CSGALNACT1: variants seen among roughly 807,000 people sequenced by gnomAD.
CSGALNACT1 encodes the protein beta4GalNAcT-1.
A neutral mutation model predicts 51.0 loss-of-function variants in CSGALNACT1; 52 were observed. That is an observed-to-expected ratio of 1.02 (90% CI 0.82 to 1.29). The LOEUF is 1.29. CSGALNACT1 is among the 50% of genes most tolerant of loss of function. The pLI is 0.00. For synonymous variants in CSGALNACT1, 341 were observed against 254.4 expected (o/e 1.34, Z -3.24); for missense variants, 935 against 679.2 (o/e 1.38, Z -4.19).
chr8:19,554,327 G>A (rs919964729), intron 3 of CSGALNACT1, among the ~76,000 whole-genome samples: 10 of 152,082 alleles, frequency 6.6e-5, no homozygotes, highest in East Asian at 1.9e-4. Context: ...TTATCAAATC[G>A]GTGTTATCAT....
chr8:19,484,017 C>G (rs531089477), intron 4 of CSGALNACT1, among the ~76,000 whole-genome samples: 1 of 152,190 alleles, frequency 6.6e-6, no homozygotes, highest in Non-Finnish European at 1.5e-5. Context: ...TGAATCATCA[C>G]TTTGTCCTGC....
chr8:19,715,268 C>A (rs2062739961), intron 1 of CSGALNACT1, among the ~76,000 whole-genome samples: 1 of 152,194 alleles, frequency 6.6e-6, no homozygotes, highest in Admixed American at 6.5e-5. Flanking sequence ...CCTCCCACAA[C>A]ACGTGGGAAT....
intron 1 of CSGALNACT1, among the ~76,000 whole-genome samples, chr8:19,643,513 C>A (rs1210234300): frequency 6.6e-6 from 1 of 151,984 alleles, no homozygotes; most frequent in Non-Finnish European, 1.5e-5. Flanking sequence ...TAGTGTGCAC[C>A]TGTAATCCCA....
intron 1 of CSGALNACT1, among the ~76,000 whole-genome samples, chr8:19,682,122 A>C (rs1304799727): frequency 6.6e-6 from 1 of 152,058 alleles, no homozygotes; most frequent in African/African-American, 2.4e-5. Context: ...GGTTGTTGTG[A>C]AGGTCGTGTT....
intron 1 of CSGALNACT1, among the ~76,000 whole-genome samples, chr8:19,713,739 G>A (rs4922092): frequency 0.38 from 57,386 of 152,012 alleles, 11,671 homozygotes; most frequent in East Asian, 0.65. Context: ...AGGGGATCTC[G>A]CCCTGAGGAC....
chr8:19,603,476 C>T (rs946673738), upstream of CSGALNACT1, among the ~76,000 whole-genome samples: 2 of 152,206 alleles, frequency 1.3e-5, no homozygotes, highest in African/African-American at 2.4e-5. Context: ...TCCGCCTCTG[C>T]CTGGCCAATC....
intron 3 of CSGALNACT1, among the ~76,000 whole-genome samples, chr8:19,577,305 G>A (rs1203111284): frequency 6.6e-6 from 1 of 151,766 alleles, no homozygotes; most frequent in Non-Finnish European, 1.5e-5. Flanking sequence ...GCTCAGGCCT[G>A]TAATCCCAGC....
chr8:19,485,713 T>C (rs545379225), intron 4 of CSGALNACT1, among the ~76,000 whole-genome samples: 6 of 149,506 alleles, frequency 4.0e-5, no homozygotes, highest in African/African-American at 1.2e-4. Flanking sequence ...ATGTAAAACA[T>C]AGATTTACTG....
intron 8 of CSGALNACT1, among the ~76,000 whole-genome samples, chr8:19,416,736 T>G (rs1198207045): frequency 6.6e-6 from 1 of 152,238 alleles, no homozygotes; most frequent in Non-Finnish European, 1.5e-5. Context: ...ACAGCCTACG[T>G]GTGTAGTTGG....
At chr8:19,728,748 T>C (rs560156687) in intron 1 of CSGALNACT1, among the ~76,000 whole-genome samples, 18 of 152,306 alleles carry the variant, frequency 1.2e-4, no homozygotes, top group Admixed American at 9.8e-4. Flanking sequence ...TTTAATACTT[T>C]CTTAGAATTT....
At position 19,757,326 on chromosome 8, in the gene CSGALNACT1, G is replaced by T; in HGVS notation, c.-297+524C>A. The stretch of plus-strand genomic sequence containing the variant: ...AGCCTCCAGGGACCCCGGGGGCGGG[G>T]AGCAGCGGCGGCGGCGGCGGCTCGG... On this transcript the variant is annotated intron_variant, in intron 1 of 1. Transcript: ENST00000517494. This position sits in a 1 kb window ranked among gnomAD's most constrained non-coding sequence, Gnocchi z 4.0. 6.6e-6 allele frequency: 1 copy of T among 150,900 alleles called. No homozygotes were observed. Among genetic ancestry groups the T allele is most frequent in the South Asian group, 1.8e-4 (1 of 5,656 alleles). The allele number at this position is 150,900 out of a possible 1,614,324, so 9.3% of individuals were successfully genotyped here. A position where few individuals can be genotyped will look rare whatever the true frequency, so the allele number is the denominator to read the frequency against.
chr8:19,728,871 C>A (rs779258843), intron 1 of CSGALNACT1, among the ~76,000 whole-genome samples: 6 of 152,008 alleles, frequency 3.9e-5, no homozygotes, highest in African/African-American at 1.2e-4. Flanking sequence ...GGCATAAGAC[C>A]TTTGAGAAGG....
chr8:19,638,113 T>G (rs1042930545), intron 1 of CSGALNACT1, among the ~76,000 whole-genome samples: 13 of 147,524 alleles, frequency 8.8e-5, no homozygotes, highest in African/African-American at 3.0e-4. Flanking sequence ...AACGACTGTC[T>G]AAAATAAGCT....
At chr8:19,746,050 G>T (rs1169739005) in intron 1 of CSGALNACT1, among the ~76,000 whole-genome samples, 2 of 152,074 alleles carry the variant, frequency 1.3e-5, no homozygotes, top group Non-Finnish European at 2.9e-5. Context: ...CTGAGGGTTG[G>T]TTTTCTGAGA....
chr8:19,560,427 A>G (rs2040441563), intron 3 of CSGALNACT1, among the ~76,000 whole-genome samples: 1 of 152,218 alleles, frequency 6.6e-6, no homozygotes, highest in Non-Finnish European at 1.5e-5. Flanking sequence ...GTTTATTAAG[A>G]ACCACCATAA....
chr8:19,495,473 T>C (rs2075291634), intron 4 of CSGALNACT1, among the ~76,000 whole-genome samples: 1 of 152,130 alleles, frequency 6.6e-6, no homozygotes, highest in Non-Finnish European at 1.5e-5. Context: ...GATGTAACTG[T>C]GAAATCCATC....
At chr8:19,469,152 G>T (rs148904525) in intron 4 of CSGALNACT1, among the ~76,000 whole-genome samples, 254 of 152,318 alleles carry the variant, frequency 1.7e-3, no homozygotes, top group African/African-American at 5.6e-3. Flanking sequence ...CACTTTGGGA[G>T]GCTGAGGTGC....
chr8:19,585,670 A>T (rs769458989), intron 3 of CSGALNACT1, among the ~76,000 whole-genome samples: 1 of 152,350 alleles, frequency 6.6e-6, no homozygotes, highest in Non-Finnish European at 1.5e-5. Flanking sequence ...GGCTTCTCAC[A>T]GCATGGTGCT....
chr8:19,408,201 G>T (rs1402686667), intron 9 of CSGALNACT1, among the ~76,000 whole-genome samples: 2 of 152,144 alleles, frequency 1.3e-5, no homozygotes, highest in African/African-American at 4.8e-5. Context: ...ATCTCAGATT[G>T]TGTGTCTTAT....
Sources: gnomAD v4.1 joint callset for allele counts (sites outside exome capture counted in the v4.1 genomes callset) on GRCh38, gnomAD v4.1.1 for gene constraint, Gnocchi (gnomAD v3.1) non-coding constraint, MANE v1.5 for transcripts, NCBI Gene and HGNC (gene_info 2026-07-23, HGNC 2026-07-21) for gene names.